PCDHGA11: variants seen among roughly 807,000 people sequenced by gnomAD.
The protein encoded by PCDHGA11 is protocadherin gamma-A11.
In PCDHGA11, 39 loss-of-function variants were observed where a neutral mutation model predicts 60.4. The ratio of observed to expected loss-of-function variants is 0.65; its 90% CI spans 0.50 to 0.84. PCDHGA11 has a LOEUF of 0.84. PCDHGA11 is among the 40% of genes least tolerant of loss of function. PCDHGA11 has a pLI of 0.00. For synonymous variants in PCDHGA11, 533 were observed against 510.3 expected (o/e 1.04, Z -0.60); for missense variants, 1,165 against 1,197.7 (o/e 0.97, Z 0.40).
At chr5:141,478,862 C>A in intron 1 of PCDHGA11, 1 of 1,326,032 alleles carries the variant, frequency 7.5e-7, no homozygotes, top group Non-Finnish European at 1.0e-6. Context: ...AAGATCTCAG[C>A]GATCAGAGTT....
At position 141,476,513 on chromosome 5, in the gene PCDHGA11, C is replaced by T; in HGVS notation, c.2434-18294C>T. 1 of 1,614,196 alleles carries T rather than the reference C, an allele frequency of 6.2e-7. No individual in the cohort carries two copies. Among genetic ancestry groups the T allele is most frequent in the Non-Finnish European group, 8.5e-7 (1 of 1,180,034 alleles). On this transcript the variant is annotated intron_variant, in intron 1 of 3. Coordinates refer to ENST00000398587, the MANE Select transcript of PCDHGA11 (RefSeq NM_018914.3). The surrounding 1 kb of genome is among the most constrained non-coding windows in gnomAD (Gnocchi z 7.6). ...GATCCAGGACATCAACGACAACAAT[C>T]CTGCTTTCCCTACCCAGGAAATGAA...
At chr5:141,464,096 C>T (rs2099075769) in intron 1 of PCDHGA11, among the ~76,000 whole-genome samples, 1 of 152,016 alleles carries the variant, frequency 6.6e-6, no homozygotes, top group African/African-American at 2.4e-5. Context: ...GAAACTCCGT[C>T]TCTACTAAAA....
At chr5:141,426,933 G>A (rs1294433096) in intron 1 of PCDHGA11, 1 of 456,660 alleles carries the variant, frequency 2.2e-6, no homozygotes, top group Non-Finnish European at 4.4e-6. Context: ...GGACATGGGT[G>A]ACCCAGTCCC....
chr5:141,454,366 GT>G (rs2098787984), intron 1 of PCDHGA11, among the ~76,000 whole-genome samples: 1 of 152,166 alleles, frequency 6.6e-6, no homozygotes, highest in Admixed American at 6.5e-5. Flanking sequence ...TTAGAAAGGA[GT>G]ATGGCAACTT....
rs1183407162 is a variant in PCDHGA11 at position 141,422,793 on chromosome 5, C to G, written c.1566C>G (p.Asp522Glu). 3 of 1,614,110 alleles carry G rather than the reference C, an allele frequency of 1.9e-6. No individual in the cohort carries two copies. The South Asian group carries it at 3.3e-5, about 18-fold the overall frequency. Residue 522 changes from aspartate to glutamate, a missense_variant, in exon 1 of 4, where the codon GAC (aspartate) becomes GAG (glutamate). By Grantham distance (45) the Asp-to-Glu change is conservative (BLOSUM62 2). Transcript: ENST00000398587. Reference sequence around the variant, plus strand: ...TTCTCTATGCCCTACAATCCTTCGACTATGAGCAGTTTCGAGACTTAGAAC... The same window carrying G: ...TTCTCTATGCCCTACAATCCTTCGAGTATGAGCAGTTTCGAGACTTAGAAC... ...TGVLYALQSF[D>E]YEQFRDLELR...
chr5:141,476,711 G>C lies in PCDHGA11; in HGVS notation c.2434-18096G>C. 1 of 1,614,194 alleles carries C rather than the reference G, an allele frequency of 6.2e-7. No individual in the cohort carries two copies. The highest frequency in any genetic ancestry group is 8.5e-7 in the Non-Finnish European group (1 of 1,180,042). On this transcript the variant is annotated intron_variant, in intron 1 of 3. Coordinates refer to ENST00000398587, the MANE Select transcript of PCDHGA11 (RefSeq NM_018914.3). This position sits in a 1 kb window ranked among gnomAD's most constrained non-coding sequence, Gnocchi z 7.6. ...CACCAAGTACGCGGAGCTGGTGTTG[G>C]AGCGCGCCCTGGACCGAGAACGGGA...
In PCDHGA11 at chr5:141,431,553, A is replaced by G; in HGVS notation, c.2433+7893A>G. ...TTGGGCACGCAGCTGCTTGTAGTCA[A>G]CGCTACCGACCCTGACGAAGGAGTC... On this transcript the variant is annotated intron_variant, in intron 1 of 3. Transcript: ENST00000398587. The surrounding 1 kb of genome is among the most constrained non-coding windows in gnomAD (Gnocchi z 4.8). 1.2e-6 allele frequency: 2 copies of G among 1,614,112 alleles called. No individual in the cohort carries two copies. Among genetic ancestry groups the G allele is most frequent in the Non-Finnish European group, 1.7e-6 (2 of 1,180,020 alleles).
Position 141,421,172 on chromosome 5 carries a change from G to A in PCDHGA11, c.-56G>A. Reference sequence around the variant, plus strand: ...GGCCTAGGACTTCATAGATACATAAGCCGATTCACAACCAACCAGCTCGAG... The same window carrying A: ...GGCCTAGGACTTCATAGATACATAAACCGATTCACAACCAACCAGCTCGAG... On this transcript the variant is annotated 5_prime_UTR_variant, in exon 1 of 4. Transcript: ENST00000398587. The A allele has an allele frequency of 7.3e-7, 1 of 1,366,164 alleles. No individual in the cohort carries two copies. The highest frequency in any genetic ancestry group is 9.8e-7 in the Non-Finnish European group (1 of 1,019,880). The allele number at this position is 1,366,164 out of a possible 1,614,324, so 84.6% of individuals were successfully genotyped here.
chr5:141,496,923 C>T (rs963522127), intron 2 of PCDHGA11, among the ~76,000 whole-genome samples: 9 of 150,728 alleles, frequency 6.0e-5, no homozygotes, highest in East Asian at 1.9e-4. Context: ...CTGTGGTTCA[C>T]GCCTGTAATC....
chr5:141,430,639 A>C, intron 1 of PCDHGA11: 6 of 900,712 alleles, frequency 6.7e-6, no homozygotes, highest in Non-Finnish European at 9.7e-6. Context: ...CATCCCTGGG[A>C]GTATGTGGAA....
rs780843098 is a variant in PCDHGA11 at position 141,431,185 on chromosome 5, T to C, written c.2433+7525T>C. On this transcript the variant is annotated intron_variant, in intron 1 of 3. Coordinates refer to ENST00000398587, the MANE Select transcript of PCDHGA11 (RefSeq NM_018914.3). The surrounding 1 kb of genome is among the most constrained non-coding windows in gnomAD (Gnocchi z 4.8). ...GTGAAAGTGAATTAGAAATAAAAAT[T>C]AGTGAAAATGCAGCCACTGAGATGC... The C allele has an allele frequency of 3.1e-6, 5 of 1,613,982 alleles. No homozygotes were observed. The highest frequency in any genetic ancestry group is 4.2e-6 in the Non-Finnish European group (5 of 1,180,016).
chr5:141,487,100 C>A lies in PCDHGA11; in HGVS notation c.2434-7707C>A. ...CCCAGCTGACCTCCCACCACAGAAGCTGGTCATTGTGGTAAAGGATAGTGG... is the reference window on the plus strand; with the variant it reads ...CCCAGCTGACCTCCCACCACAGAAGATGGTCATTGTGGTAAAGGATAGTGG... On this transcript the variant is annotated intron_variant, in intron 1 of 3. Coordinates refer to ENST00000398587, the MANE Select transcript of PCDHGA11 (RefSeq NM_018914.3). This position sits in a 1 kb window ranked among gnomAD's most constrained non-coding sequence, Gnocchi z 5.0. The A allele has an allele frequency of 1.2e-6, 2 of 1,614,076 alleles. No homozygotes were observed. The highest frequency in any genetic ancestry group is 1.7e-6 in the Non-Finnish European group (2 of 1,179,960).
chr5:141,451,740 G>A (rs370710201), intron 1 of PCDHGA11, among the ~76,000 whole-genome samples: 1 of 152,108 alleles, frequency 6.6e-6, no homozygotes, highest in Non-Finnish European at 1.5e-5. Context: ...AAATTAGCTG[G>A]TCTGGTGGTG....
intron 2 of PCDHGA11, among the ~76,000 whole-genome samples, chr5:141,503,940 C>G (rs890249753): frequency 6.6e-6 from 1 of 152,218 alleles, no homozygotes; most frequent in Non-Finnish European, 1.5e-5. Flanking sequence ...TTCATGCCTT[C>G]AAGGCCTACC....
At chr5:141,428,102 G>A (rs774075619) in intron 1 of PCDHGA11, 1 of 1,608,518 alleles carries the variant, frequency 6.2e-7, no homozygotes, top group Non-Finnish European at 8.5e-7. Context: ...CCTACCACGT[G>A]CTGCAGGCCA....
At position 141,511,572 on chromosome 5, in the gene PCDHGA11, T is replaced by C. The variant is rs1366960269; in HGVS notation, c.*399T>C. The C allele has an allele frequency of 1.0e-5, 3 of 289,550 alleles. No homozygotes were observed. The East Asian group carries it at 2.4e-4, about 23-fold the overall frequency. 17.9% of individuals were successfully genotyped at this position (289,550 alleles called of 1,614,324 possible). ...AACAGTTCCTCTTTCCCGAGTAAGG[T>C]GGTTGGGGTGTTGAAGTACCAAGTA... On this transcript the variant is annotated 3_prime_UTR_variant, in exon 4 of 4. Coordinates refer to ENST00000398587, the MANE Select transcript of PCDHGA11 (RefSeq NM_018914.3).
At chr5:141,494,362 A>T (rs527454959) in intron 1 of PCDHGA11, among the ~76,000 whole-genome samples, 47 of 152,300 alleles carry the variant, frequency 3.1e-4, no homozygotes, top group Admixed American at 8.5e-4. Context: ...GCTGCAGAGG[A>T]TGCTTTGTTC....
rs2099884413 is a variant in PCDHGA11, at chr5:141,512,781, G to A, written c.*1608G>A. ...CCTTGATCTGCCCGCGGCGGCCCGT[G>A]TTGTGTTTTGTGCTGTGTCCACGCG... is the stretch of plus-strand genomic sequence containing the variant. On this transcript the variant is annotated 3_prime_UTR_variant, in exon 4 of 4. Transcript: ENST00000398587. 1 of 152,534 alleles carries A rather than the reference G, an allele frequency of 6.6e-6. No individual in the cohort carries two copies. Among genetic ancestry groups the A allele is most frequent in the African/African-American group, 2.4e-5 (1 of 41,444 alleles). 9.4% of individuals were successfully genotyped at this position (152,534 alleles called of 1,614,324 possible). A position where few individuals can be genotyped will look rare whatever the true frequency, so the allele number is the denominator to read the frequency against.
intron 1 of PCDHGA11, among the ~76,000 whole-genome samples, chr5:141,449,543 C>T (rs377524476): frequency 2.7e-5 from 4 of 147,148 alleles, no homozygotes; most frequent in Non-Finnish European, 4.5e-5. Context: ...GAGCCGAGAT[C>T]GCACCACTGC....
Sources: gnomAD v4.1 joint callset for allele counts (sites outside exome capture counted in the v4.1 genomes callset) on GRCh38, gnomAD v4.1.1 for gene constraint, Gnocchi (gnomAD v3.1) non-coding constraint, MANE v1.5 for transcripts, NCBI Gene and HGNC (gene_info 2026-07-23, HGNC 2026-07-21) for gene names.